Variants in INSM2 observed in about 807,000 individuals in gnomAD.
INSM2 encodes the protein INSM transcriptional repressor 2.
A neutral mutation model predicts 30.5 loss-of-function variants in INSM2; 12 were observed. The ratio of observed to expected loss-of-function variants is 0.39; its 90% confidence interval spans 0.25 to 0.64. The LOEUF (loss-of-function observed/expected upper bound fraction) is 0.64. INSM2 is among the 30% of genes least tolerant of loss of function. INSM2 has a pLI of 0.47. For missense variants in INSM2, 773 were observed against 819.2 expected (o/e 0.94, Z 0.69); for synonymous variants, 418 against 383.7 (o/e 1.09, Z -1.05).
In INSM2 at chr14:35,535,340, C is replaced by A. The variant is rs139448495; in HGVS notation, c.1088C>A (p.Ala363Glu). 1.7e-5 allele frequency: 28 copies of A among 1,610,060 alleles called. No individual in the cohort carries two copies. The highest frequency in any genetic ancestry group is 2.3e-5 in the Non-Finnish European group (27 of 1,178,068). Reference protein sequence around the residue: ...GKENSRIERTADQHPQARDSS... With the variant: ...GKENSRIERTEDQHPQARDSS... ...GAGAACAGCCGAATAGAGCGGACTG[C>A]GGATCAGCACCCGCAGGCCAGGGAC... Residue 363 changes from alanine (A) to glutamate (E), a missense_variant, in exon 1 of 1, where the codon GCG becomes GAG. Coordinates refer to ENST00000307169, the MANE Select transcript of INSM2 (RefSeq NM_032594.4).
In INSM2 at chr14:35,535,547, A is replaced by T. The variant is rs771453733; in HGVS notation, c.1295A>T (p.His432Leu). 1.4e-5 allele frequency: 23 copies of T among 1,613,146 alleles called. No homozygotes were observed. The East Asian group carries it at 4.5e-4, about 31-fold the overall frequency. The change falls in exon 1 of 1, where the codon CAC (histidine) becomes CTC (leucine). Residue 432 changes from histidine (H) to leucine (L), a missense_variant. Coordinates refer to ENST00000307169, the MANE Select transcript of INSM2 (RefSeq NM_032594.4). The stretch of plus-strand genomic sequence containing the variant: ...GAGATTTTCGTGTGCCCATATTGCC[A>T]CAAAAAGTTTCGTCGCCAAGCCTAT... ...GSEIFVCPYC[H>L]KKFRRQAYLR...
Position 35,535,620 on chromosome 14 carries a change from A to G in INSM2, c.1368A>G (p.Leu456=), listed in dbSNP as rs771670971. The change falls in exon 1 of 1, where the codon CTA becomes CTG. Residue 456 remains leucine, a synonymous_variant. Transcript: ENST00000307169. The part of the protein sequence containing the change: ...STHEAGSARA[L]APGFGSERGA... ...ACGAGGCGGGCTCGGCCCGTGCGCT[A>G]GCGCCGGGCTTTGGCTCCGAACGCG... The G allele has an allele frequency of 1.2e-6, 2 of 1,613,088 alleles. No homozygotes were observed. Among genetic ancestry groups the G allele is most frequent in the Non-Finnish European group, 8.5e-7 (1 of 1,179,986 alleles).
At position 35,534,312 on chromosome 14, in the gene INSM2, C is replaced by T; in HGVS notation, c.60C>T (p.Arg20=). 6.3e-7 allele frequency: 1 copy of T among 1,594,084 alleles called. No homozygotes were observed. ...GGACAGGCGGCTTGTACCGAGTTCG[C>T]CTTGCGGAGCGTGTCTTCCCTCTGC... ...TKRTGGLYRV[R]LAERVFPLLG... The change falls in exon 1 of 1, where the codon CGC becomes CGT. Residue 20 remains arginine, a synonymous_variant. Transcript: ENST00000307169.
Position 35,535,320 on chromosome 14 carries a change from C to T in INSM2, c.1068C>T (p.Asn356=), listed in dbSNP as rs2053589019. The T allele has an allele frequency of 4.3e-6, 7 of 1,611,910 alleles. No homozygotes were observed. The highest frequency in any genetic ancestry group is 1.7e-4 in the Middle Eastern group (1 of 6,054). Residue 356 remains asparagine (N), a synonymous_variant, in exon 1 of 1, where the codon AAC becomes AAT. Transcript: ENST00000307169. ...IASFLAEGKE[N]SRIERTADQH... is the part of the protein sequence containing the mutation. ...CTTTTCTGGCGGAGGGAAAGGAGAA[C>T]AGCCGAATAGAGCGGACTGCGGATC... is the stretch of plus-strand genomic sequence containing the variant.
Position 35,535,278 on chromosome 14 carries a change from C to A in INSM2, c.1026C>A (p.Asp342Glu). The A allele has an allele frequency of 6.2e-7, 1 of 1,613,344 alleles. No homozygotes were observed. The highest frequency in any genetic ancestry group is 1.7e-5 in the Admixed American group (1 of 60,024). The part of the protein sequence containing the change: ...PPSSSSSSSR[D>E]SGAIASFLAE... ...CTTCGTCGTCTTCGTCCTCCCGGGACTCCGGGGCCATTGCATCTTTTCTGG... is the reference window on the plus strand; with the variant it reads ...CTTCGTCGTCTTCGTCCTCCCGGGAATCCGGGGCCATTGCATCTTTTCTGG... Residue 342 changes from aspartate to glutamate, a missense_variant, in exon 1 of 1, where the codon GAC becomes GAA. Transcript: ENST00000307169.
At position 35,534,995 on chromosome 14, in the gene INSM2, C is replaced by T. The variant is rs770425438; in HGVS notation, c.743C>T (p.Ala248Val). The T allele has an allele frequency of 4.8e-5, 75 of 1,565,914 alleles. No individual in the cohort carries two copies. Among genetic ancestry groups the T allele is most frequent in the Non-Finnish European group, 6.4e-5 (74 of 1,158,322 alleles). Reference sequence around the variant, plus strand: ...AAGATCAAGGAGGAGGAGCCCGGAGCGCCGTCCCGGGGCTTGGGGGGCAGC... The same window carrying T: ...AAGATCAAGGAGGAGGAGCCCGGAGTGCCGTCCCGGGGCTTGGGGGGCAGC... ...GLKIKEEEPG[A>V]PSRGLGGSRT... Residue 248 changes from alanine to valine, a missense_variant, in exon 1 of 1, where the codon GCG becomes GTG. Coordinates refer to ENST00000307169, the MANE Select transcript of INSM2 (RefSeq NM_032594.4).
At position 35,534,679 on chromosome 14, in the gene INSM2, GC is replaced by G; in HGVS notation, c.429del (p.Ala144ProfsTer48). The G allele has an allele frequency of 7.1e-7, 1 of 1,400,298 alleles. No homozygotes were observed. Among genetic ancestry groups the G allele is most frequent in the Non-Finnish European group, 9.2e-7 (1 of 1,087,844 alleles). 86.7% of individuals were successfully genotyped at this position (1,400,298 alleles called of 1,614,324 possible). Reference protein sequence around the residue: ...VSAESFPGGAAAVAAFSCSVA... With the variant: ...VSAESFPGGAXAVAAFSCSVA... ...CGCCGAGTCTTTCCCCGGGGGCGCC[GC>G]CGCCGTGGCCGCTTTCTCCTGCTCC... is the stretch of plus-strand genomic sequence containing the variant. On this transcript the variant is annotated frameshift_variant, in exon 1 of 1. Transcript: ENST00000307169. LOFTEE classifies it high-confidence loss of function.
Position 35,536,319 on chromosome 14 carries a change from A to G in INSM2, c.*366A>G, listed in dbSNP as rs997412215. ...ATGCGTGCATGTCTCAATGTCCACA[A>G]AGGATTCTGGCTACCCTTTGGTAGC... On this transcript the variant is annotated 3_prime_UTR_variant, in exon 1 of 1. Coordinates refer to ENST00000307169, the MANE Select transcript of INSM2 (RefSeq NM_032594.4). The G allele has an allele frequency of 1.5e-5, 3 of 203,060 alleles. No homozygotes were observed. Among genetic ancestry groups the G allele is most frequent in the Non-Finnish European group, 3.2e-5 (3 of 93,094 alleles). 12.6% of individuals were successfully genotyped at this position (203,060 alleles called of 1,614,324 possible).
rs1353627642 is a variant in INSM2 at position 35,534,684 on chromosome 14, C to T, written c.432C>T (p.Ala144=). 1 of 1,402,468 alleles carries T rather than the reference C, an allele frequency of 7.1e-7. No individual in the cohort carries two copies. Among genetic ancestry groups the T allele is most frequent in the East Asian group, 3.0e-5 (1 of 33,690 alleles). The allele number at this position is 1,402,468 out of a possible 1,614,324, so 86.9% of individuals were successfully genotyped here. A position where few individuals can be genotyped will look rare whatever the true frequency, so the allele number is the denominator to read the frequency against. Residue 144 remains alanine (A), a synonymous_variant, in exon 1 of 1, where the codon GCC becomes GCT. Coordinates refer to ENST00000307169, the MANE Select transcript of INSM2 (RefSeq NM_032594.4). ...AGTCTTTCCCCGGGGGCGCCGCCGC[C>T]GTGGCCGCTTTCTCCTGCTCCGTGG... The part of the protein sequence containing the change: ...SAESFPGGAA[A]VAAFSCSVAP...
Position 35,535,226 on chromosome 14 carries a change from T to C in INSM2, c.974T>C (p.Val325Ala), listed in dbSNP as rs983528395. ...CCTGCGGCTGCAAACGCCGCCACAGTCTCCTCCGCCGACGGGAAGCCGCCT... is the reference window on the plus strand; with the variant it reads ...CCTGCGGCTGCAAACGCCGCCACAGCCTCCTCCGCCGACGGGAAGCCGCCT... ...PRPAAANAAT[V>A]SSADGKPPSS... Residue 325 changes from valine (V) to alanine (A), a missense_variant, in exon 1 of 1, where the codon GTC becomes GCC. Coordinates refer to ENST00000307169, the MANE Select transcript of INSM2 (RefSeq NM_032594.4). 5.0e-6 allele frequency: 8 copies of C among 1,613,382 alleles called. No individual in the cohort carries two copies. The highest frequency in any genetic ancestry group is 6.8e-6 in the Non-Finnish European group (8 of 1,179,922).
At position 35,535,134 on chromosome 14, in the gene INSM2, T is replaced by C; in HGVS notation, c.882T>C (p.Pro294=). 6.2e-7 allele frequency: 1 copy of C among 1,610,164 alleles called. No homozygotes were observed. Among genetic ancestry groups the C allele is most frequent in the Non-Finnish European group, 8.5e-7 (1 of 1,178,250 alleles). Residue 294 remains proline, a synonymous_variant, in exon 1 of 1, where the codon CCT becomes CCC. Coordinates refer to ENST00000307169, the MANE Select transcript of INSM2 (RefSeq NM_032594.4). ...TCGTGCGCGTAGAGTACCGCTGCCCTGAGTGCGACAAGGTGTTCAGCTGTC... is the reference window on the plus strand; with the variant it reads ...TCGTGCGCGTAGAGTACCGCTGCCCCGAGTGCGACAAGGTGTTCAGCTGTC... ...SRIVRVEYRC[P]ECDKVFSCPA...
Position 35,535,935 on chromosome 14 carries a change from A to C in INSM2, c.1683A>C (p.Pro561=), listed in dbSNP as rs777338479. Residue 561 remains proline, a synonymous_variant, in exon 1 of 1, where the codon CCA becomes CCC. Coordinates refer to ENST00000307169, the MANE Select transcript of INSM2 (RefSeq NM_032594.4). ...GGCAAGTGCTGCTGCTGCAGATGCC[A>C]CTGCGGCCTGGCTGCTGAGGGACGA... ...ESRQVLLLQM[P]LRPGC The C allele has an allele frequency of 1.9e-6, 3 of 1,607,970 alleles. No individual in the cohort carries two copies. The highest frequency in any genetic ancestry group is 2.5e-6 in the Non-Finnish European group (3 of 1,177,132).
At position 35,535,357 on chromosome 14, in the gene INSM2, G is replaced by T; in HGVS notation, c.1105G>T (p.Ala369Ser). 1.2e-6 allele frequency: 2 copies of T among 1,611,016 alleles called. No individual in the cohort carries two copies. The highest frequency in any genetic ancestry group is 1.7e-4 in the Middle Eastern group (1 of 6,056). The change falls in exon 1 of 1, where the codon GCC (alanine) becomes TCC (serine). Residue 369 changes from alanine to serine, a missense_variant. By Grantham distance (99) the Ala-to-Ser change is moderately conservative. Coordinates refer to ENST00000307169, the MANE Select transcript of INSM2 (RefSeq NM_032594.4). The stretch of plus-strand genomic sequence containing the variant: ...GCGGACTGCGGATCAGCACCCGCAG[G>T]CCAGGGACAGCTCCGGGGCGGATCA... ...IERTADQHPQ[A>S]RDSSGADQHP...
chr14:35,535,947 C>T lies in INSM2; in HGVS notation c.1695C>T (p.Gly565=). The T allele has an allele frequency of 1.2e-6, 2 of 1,602,780 alleles. No homozygotes were observed. Among genetic ancestry groups the T allele is most frequent in the Non-Finnish European group, 8.5e-7 (1 of 1,174,746 alleles). ...TGCTGCAGATGCCACTGCGGCCTGG[C>T]TGCTGAGGGACGAGAGACCAGGATG... ...VLLLQMPLRP[G]C The change falls in exon 1 of 1, where the codon GGC becomes GGT. Residue 565 remains glycine (G), a synonymous_variant. Transcript: ENST00000307169.
chr14:35,535,339 G>T lies in INSM2; in HGVS notation c.1087G>T (p.Ala363Ser). Residue 363 changes from alanine to serine, a missense_variant, in exon 1 of 1, where the codon GCG (alanine) becomes TCG (serine). By Grantham distance (99) the Ala-to-Ser change is moderately conservative. Coordinates refer to ENST00000307169, the MANE Select transcript of INSM2 (RefSeq NM_032594.4). ...GKENSRIERT[A>S]DQHPQARDSS... The stretch of plus-strand genomic sequence containing the variant: ...GGAGAACAGCCGAATAGAGCGGACT[G>T]CGGATCAGCACCCGCAGGCCAGGGA... 1 of 1,610,682 alleles carries T rather than the reference G, an allele frequency of 6.2e-7. No homozygotes were observed.
Position 35,534,545 on chromosome 14 carries a change from G to T in INSM2, c.293G>T (p.Gly98Val). 1 of 1,395,720 alleles carries T rather than the reference G, an allele frequency of 7.2e-7. No homozygotes were observed. Among genetic ancestry groups the T allele is most frequent in the Non-Finnish European group, 9.2e-7 (1 of 1,084,934 alleles). The allele number at this position is 1,395,720 out of a possible 1,614,324, so 86.5% of individuals were successfully genotyped here. ...GAAGGCGCGGAGTGGCGGGCGGGTG[G>T]CAGGGAAGGTCCCGGGCCCAGCCCC... is the stretch of plus-strand genomic sequence containing the variant. Reference protein sequence around the residue: ...GREGAEWRAGGREGPGPSPSP... With the variant: ...GREGAEWRAGVREGPGPSPSP... The change falls in exon 1 of 1, where the codon GGC becomes GTC. Residue 98 changes from glycine (G) to valine (V), a missense_variant. Transcript: ENST00000307169.
Position 35,535,898 on chromosome 14 carries a change from C to T in INSM2, c.1646C>T (p.Pro549Leu). 1 of 1,613,420 alleles carries T rather than the reference C, an allele frequency of 6.2e-7. No individual in the cohort carries two copies. The highest frequency in any genetic ancestry group is 8.5e-7 in the Non-Finnish European group (1 of 1,179,822). The stretch of plus-strand genomic sequence containing the variant: ...ACCCGGCACATCAATAAGTGCCACC[C>T]CTCAGAAAGCCGGCAAGTGCTGCTG... ...GLTRHINKCHPSESRQVLLLQ... is the reference protein window; with the variant it reads ...GLTRHINKCHLSESRQVLLLQ... The change falls in exon 1 of 1, where the codon CCC becomes CTC. Residue 549 changes from proline (P) to leucine (L), a missense_variant. Transcript: ENST00000307169.
In INSM2 at chr14:35,536,193, CCTT is replaced by C; in HGVS notation, c.*243_*245del. On this transcript the variant is annotated 3_prime_UTR_variant, in exon 1 of 1. Transcript: ENST00000307169. ...AGATCAAAGACTGTCAGCTTTAAAT[CCTT>C]CTCACTTTCCCCACTAAAATAGGAT... 1 of 466,348 alleles carries C rather than the reference CCTT, an allele frequency of 2.1e-6. No homozygotes were observed. The highest frequency in any genetic ancestry group is 3.8e-6 in the Non-Finnish European group (1 of 260,082). 28.9% of individuals were successfully genotyped at this position (466,348 alleles called of 1,614,324 possible).
chr14:35,535,539 A>G lies in INSM2; in HGVS notation c.1287A>G (p.Pro429=). The part of the protein sequence containing the change: ...GGRGSEIFVC[P]YCHKKFRRQA... ...GGGGATCCGAGATTTTCGTGTGCCC[A>G]TATTGCCACAAAAAGTTTCGTCGCC... Residue 429 remains proline, a synonymous_variant, in exon 1 of 1, where the codon CCA becomes CCG. Transcript: ENST00000307169. 1 of 1,613,300 alleles carries G rather than the reference A, an allele frequency of 6.2e-7. No individual in the cohort carries two copies. Among genetic ancestry groups the G allele is most frequent in the Non-Finnish European group, 8.5e-7 (1 of 1,179,976 alleles).
Sources: allele counts gnomAD v4.1 joint callset, GRCh38; gene constraint gnomAD v4.1.1; transcripts MANE v1.5; gene names NCBI Gene and HGNC (gene_info 2026-07-23, HGNC 2026-07-21).